The following PDE4A variants were observed in gnomAD, a reference collection of about 807,000 sequenced individuals.
PDE4A encodes the protein 3',5'-cyclic-AMP phosphodiesterase 4A.
In PDE4A, 21 loss-of-function variants were observed where a neutral mutation model predicts 73.9. The observed-to-expected ratio is 0.28, with a 90% confidence interval of 0.20 to 0.41. The LOEUF (loss-of-function observed/expected upper bound fraction) is 0.41. Ranked by LOEUF, PDE4A falls within the 10% of genes least tolerant of loss-of-function variation. PDE4A has a pLI of 1.00. For missense variants in PDE4A, 958 were observed against 1,211.4 expected (o/e 0.79, Z 3.10); for synonymous variants, 463 against 505.4 (o/e 0.92, Z 1.13).
At chr19:10,442,479 G>A (rs976733167) in intron 1 of PDE4A, among the ~76,000 whole-genome samples, 3 of 152,020 alleles carry the variant, frequency 2.0e-5, no homozygotes, top group African/African-American at 7.3e-5. Flanking sequence ...AACCGAGATC[G>A]CGCCACTGCA....
At chr19:10,417,371 T>C, upstream of PDE4A, 4 of 985,048 alleles carry the variant, frequency 4.1e-6, no homozygotes, top group Non-Finnish European at 4.8e-6. Flanking sequence ...AAAGGTGATG[T>C]GTTAGAGAGG....
intron 1 of PDE4A, chr19:10,432,404 A>G (rs1046219428): frequency 5.1e-6 from 7 of 1,376,174 alleles, no homozygotes; most frequent in Non-Finnish European, 6.6e-6. Flanking sequence ...CGCCGTCCCC[A>G]TGCGCGCCCC....
chr19:10,459,677 C>A lies in PDE4A; in HGVS notation c.1283C>A (p.Ala428Asp). Reference protein sequence around the residue: ...YMLTLEDHYHADVAYHNSLHA... With the variant: ...YMLTLEDHYHDDVAYHNSLHA... ...CTGACGCTGGAGGATCACTACCACG[C>A]TGACGTGGCCTACCATAACAGCCTG... is the stretch of plus-strand genomic sequence containing the variant. Residue 428 changes from alanine to aspartate, a missense_variant, in exon 10 of 15, where the codon GCT (alanine) becomes GAT (aspartate). By Grantham distance (126) the Ala-to-Asp change is moderately radical (BLOSUM62 -2). This residue lies in a region of PDE4A where 570 missense variants were observed against 827.7 expected (regional missense o/e 0.69). Transcript: ENST00000380702. 1 of 1,614,244 alleles carries A rather than the reference C, an allele frequency of 6.2e-7. No individual in the cohort carries two copies. Among genetic ancestry groups the A allele is most frequent in the Middle Eastern group, 1.6e-4 (1 of 6,062 alleles).
At chr19:10,430,937 C>T (rs1315543565) in intron 1 of PDE4A, 8 of 1,521,036 alleles carry the variant, frequency 5.3e-6, no homozygotes, top group Non-Finnish European at 7.0e-6. Context: ...CGTTCCTGCC[C>T]GAGCCCCTGG....
chr19:10,457,703 A>G (rs2043193683), intron 7 of PDE4A, 176 bp from the exon 8 acceptor site: 1 of 827,506 alleles, frequency 1.2e-6, no homozygotes, highest in Non-Finnish European at 1.5e-6. Flanking sequence ...ACCTCCTGGA[A>G]GATTTCCCAC....
Position 10,460,991 on chromosome 19 carries a change from T to C in PDE4A, c.1366-13T>C. 6.2e-7 allele frequency: 1 copy of C among 1,608,298 alleles called. No homozygotes were observed. Among genetic ancestry groups the C allele is most frequent in the Non-Finnish European group, 8.5e-7 (1 of 1,175,592 alleles). On this transcript the variant is annotated splice_polypyrimidine_tract_variant and intron_variant, in intron 10 of 14. Transcript: ENST00000380702. ...CAACTCTGTTATTCTAACATCCGTG[T>C]CTCTGCTCCCAGGCAGTGTTCACGG...
At chr19:10,459,156 G>A (rs2043218067) in intron 8 of PDE4A, 3 of 578,622 alleles carry the variant, frequency 5.2e-6, no homozygotes, top group Non-Finnish European at 8.7e-6. Context: ...CCTGCCAAAC[G>A]AGATCAAGTG....
chr19:10,457,913 G>C lies in PDE4A; in HGVS notation c.912G>C (p.Thr304=). The change falls in exon 8 of 15, where the codon ACG becomes ACC. Residue 304 remains threonine (T), a synonymous_variant. Transcript: ENST00000380702. The part of the protein sequence containing the change: ...KQNEVEIPSP[T]MKEREKQQAP... The stretch of plus-strand genomic sequence containing the variant: ...ATGAAGTGGAGATCCCATCACCCAC[G>C]ATGAAGGAACGAGAAAAACAGCAAG... 1.9e-6 allele frequency: 3 copies of C among 1,612,518 alleles called. No homozygotes were observed. In the South Asian group the frequency reaches 3.3e-5, roughly 18 times the overall value.
chr19:10,445,313 A>G (rs1447803924), intron 1 of PDE4A, among the ~76,000 whole-genome samples: 1 of 152,232 alleles, frequency 6.6e-6, no homozygotes, highest in Non-Finnish European at 1.5e-5. Flanking sequence ...TTTTGGCACC[A>G]AGGCTGATTT....
intron 1 of PDE4A, chr19:10,423,245 G>A (rs2042674064): frequency 2.0e-6 from 1 of 494,278 alleles, no homozygotes. Context: ...TGCAACCTCT[G>A]CCTTCCGGAT....
intron 2 of PDE4A, 164 bp from the exon 3 acceptor site, chr19:10,448,753 C>A: frequency 1.1e-6 from 1 of 915,784 alleles, no homozygotes; most frequent in Non-Finnish European, 1.3e-6. Context: ...CCACGATCAG[C>A]CCTGGACACA....
At chr19:10,465,966 G>T (rs1310781524) in intron 14 of PDE4A, among the ~76,000 whole-genome samples, 2 of 147,764 alleles carry the variant, frequency 1.4e-5, no homozygotes, top group African/African-American at 2.5e-5. Context: ...CTCCCAAAGT[G>T]CTGGGATTAC....
rs1252552559 is a variant in PDE4A at position 10,452,998 on chromosome 19, A to G, written c.784-1831A>G. ...GGGACCCTTGCCCTGCCCCCCTCCC[A>G]TGGGCACGGACCCCCCACCGCCTCC... On this transcript the variant is annotated intron_variant, in intron 6 of 14. Coordinates refer to ENST00000380702, the MANE Select transcript of PDE4A (RefSeq NM_001111307.2). 2.0e-5 allele frequency: 26 copies of G among 1,276,566 alleles called. No homozygotes were observed. In the East Asian group the frequency reaches 7.8e-4, roughly 38 times the overall value. 79.1% of individuals were successfully genotyped at this position (1,276,566 alleles called of 1,614,324 possible).
rs753859 is a variant in PDE4A at position 10,420,548 on chromosome 19, G to C, written c.-217G>C. 597,923 of 1,169,484 alleles carry C rather than the reference G, an allele frequency of 0.51. 156,557 individuals are homozygous for C. Among genetic ancestry groups the C allele is most frequent in the African/African-American group, 0.8 (49,680 of 62,374 alleles). The allele number at this position is 1,169,484 out of a possible 1,614,324, so 72.4% of individuals were successfully genotyped here. ...AGCGCGGAGCGCGGAGAGCGCCGCC[G>C]GGCACTGAGCAGAGCTCCAGGCGCC... On this transcript the variant is annotated 5_prime_UTR_variant, in exon 1 of 15. Coordinates refer to ENST00000380702, the MANE Select transcript of PDE4A (RefSeq NM_001111307.2). The surrounding 1 kb of genome is among the most constrained non-coding windows in gnomAD (Gnocchi z 6.0).
chr19:10,427,412 A>G, intron 1 of PDE4A: 1 of 835,484 alleles, frequency 1.2e-6, no homozygotes, highest in Non-Finnish European at 1.4e-6. Flanking sequence ...GATACGTTGG[A>G]GGCAAGTGTG....
At chr19:10,455,952 C>T (rs1402829773) in intron 7 of PDE4A, among the ~76,000 whole-genome samples, 3 of 151,858 alleles carry the variant, frequency 2.0e-5, no homozygotes, top group African/African-American at 7.3e-5. Flanking sequence ...CTTCCGAGTC[C>T]ACAAAAGGCC....
Position 10,449,144 on chromosome 19 carries a change from G to A in PDE4A, c.614G>A (p.Ser205Asn), listed in dbSNP as rs2043054805. Residue 205 changes from serine to asparagine, a missense_variant, in exon 4 of 15, where the codon AGT becomes AAT. Coordinates refer to ENST00000380702, the MANE Select transcript of PDE4A (RefSeq NM_001111307.2). Reference sequence around the variant, plus strand: ...CTCCTGACCAATGTGCCCGTTCCCAGTAACAAGTAAGTGAAGGCTGGGCTG... The same window carrying A: ...CTCCTGACCAATGTGCCCGTTCCCAATAACAAGTAAGTGAAGGCTGGGCTG... ...FSLLTNVPVP[S>N]NKRSPLGGPT... is the part of the protein sequence containing the mutation. 1 of 1,613,460 alleles carries A rather than the reference G, an allele frequency of 6.2e-7. No homozygotes were observed. Among genetic ancestry groups the A allele is most frequent in the African/African-American group, 1.3e-5 (1 of 75,010 alleles).
intron 2 of PDE4A, among the ~76,000 whole-genome samples, 184 bp downstream of exon 2, chr19:10,446,593 T>C (rs1049522371): frequency 4.0e-5 from 6 of 150,956 alleles, no homozygotes; most frequent in African/African-American, 1.5e-4. Flanking sequence ...TTTTTTTTTT[T>C]TTTTCTTTTT....
At chr19:10,459,573 C>A (rs893291892) in intron 9 of PDE4A, 22 bp from the exon 10 acceptor site, 4 of 1,612,244 alleles carry the variant, frequency 2.5e-6, no homozygotes, top group Admixed American at 3.3e-5. Flanking sequence ...GAGGTCACCA[C>A]CCTGCCCCTG....
Sources: allele counts gnomAD v4.1 joint callset (sites outside exome capture counted in the v4.1 genomes callset), GRCh38; gene constraint gnomAD v4.1.1; regional missense constraint gnomAD v4.1.1; non-coding constraint Gnocchi (gnomAD v3.1); transcripts MANE v1.5; gene names NCBI Gene and HGNC (gene_info 2026-07-23, HGNC 2026-07-21).